REXO4: variants seen among roughly 807,000 people sequenced by gnomAD.
REXO4 encodes the protein REX4 homolog, 3'-5' exonuclease.
REXO4 carries 29 observed loss-of-function variants against 39.9 expected under a neutral mutation model. That is an observed-to-expected ratio of 0.73 (90% CI 0.54 to 0.99). The LOEUF is 0.99. Among genes scored for constraint, REXO4 ranks in the 50% least tolerant of loss-of-function variants. The pLI is 0.00. For synonymous variants in REXO4, 184 were observed against 206.2 expected, an observed-to-expected ratio of 0.89 and a Z score of 0.92; for missense variants, 524 against 546.5, an observed-to-expected ratio of 0.96 and a Z score of 0.41.
At chr9:133,408,920 T>G in intron 5 of REXO4, 78 bp from the exon 6 acceptor site, 2 of 706,200 alleles carry the variant, frequency 2.8e-6, no homozygotes, top group Admixed American at 2.1e-5. Flanking sequence ...CGCCACCTTT[T>G]GCAAGTAACA....
Position 133,417,659 on chromosome 9 carries a change from T to C in REXO4, c.186A>G (p.Ala62=). Residue 62 remains alanine, a synonymous_variant, in exon 1 of 8, where the codon GCA becomes GCG. Transcript: ENST00000371942. ...TCCAGTTTTGAGAAAAGTCTTCTGGTGCCTTTGGAGGTCGCACCACAGCAC... is the reference window on the plus strand; with the variant it reads ...TCCAGTTTTGAGAAAAGTCTTCTGGCGCCTTTGGAGGTCGCACCACAGCAC... ...GPGAVVRPPK[A]PEDFSQNWKA... 1 of 1,614,070 alleles carries C rather than the reference T, an allele frequency of 6.2e-7. No individual in the cohort carries two copies. Among genetic ancestry groups the C allele is most frequent in the Non-Finnish European group, 8.5e-7 (1 of 1,179,946 alleles).
intron 5 of REXO4, 132 bp downstream of exon 5, chr9:133,410,853 A>ATAT: frequency 1.5e-6 from 1 of 687,914 alleles, no homozygotes; most frequent in South Asian, 1.7e-5. Flanking sequence ...GCGGTATCTG[A>ATAT]TATTATTACC....
Position 133,408,932 on chromosome 9 carries a change from CTTTGTGTGTGTGTGTGTG to C in REXO4, c.1000-108_1000-91del, listed in dbSNP as rs1449447823. On this transcript the variant is annotated intron_variant, in intron 5 of 7. Coordinates refer to ENST00000371942, the MANE Select transcript of REXO4 (RefSeq NM_020385.4). ...CCCCGCCACCTTTTGCAAGTAACAT[CTTTGTGTGTGTGTGTGTG>C]TGTGTGTGTGTGTGTGTGTGTGTGT... The C allele has an allele frequency of 3.6e-4, 146 of 406,502 alleles. 2 individuals carry two copies. The highest frequency in any genetic ancestry group is 4.1e-4 in the Non-Finnish European group (93 of 224,998). The allele number at this position is 406,502 out of a possible 1,614,324, so 25.2% of individuals were successfully genotyped here. A position where few individuals can be genotyped will look rare whatever the true frequency, so the allele number is the denominator to read the frequency against.
intron 4 of REXO4, among the ~76,000 whole-genome samples, chr9:133,411,559 C>G (rs774345446): frequency 6.6e-6 from 1 of 152,256 alleles, no homozygotes; most frequent in Admixed American, 6.5e-5. Context: ...ACCAACCCCA[C>G]TTGTACCCCC....
intron 2 of REXO4, among the ~76,000 whole-genome samples, chr9:133,413,796 A>C (rs1839378750): frequency 6.6e-6 from 1 of 152,356 alleles, no homozygotes; most frequent in East Asian, 1.9e-4. Context: ...ACACTTAATC[A>C]ACAGCTGCAG....
At position 133,407,000 on chromosome 9, in the gene REXO4, T is replaced by G; in HGVS notation, c.1222A>C (p.Arg408=). 2 of 1,613,028 alleles carry G rather than the reference T, an allele frequency of 1.2e-6. No individual in the cohort carries two copies. The highest frequency in any genetic ancestry group is 1.7e-6 in the Non-Finnish European group (2 of 1,179,980). The part of the protein sequence containing the change: ...KKEWESMARD[R]RPLLTAPDHC... ...TCTGGAGCAGTCAGCAGGGGGCGCC[T>G]GTCTCGGGCCATGCTCTCCCACTCC... Residue 408 remains arginine, a synonymous_variant, in exon 8 of 8, where the codon AGG becomes CGG. Transcript: ENST00000371942.
chr9:133,409,791 G>A (rs587655952), intron 5 of REXO4, among the ~76,000 whole-genome samples: 5 of 152,184 alleles, frequency 3.3e-5, no homozygotes, highest in Admixed American at 1.3e-4. Context: ...TCTAACTCCC[G>A]GCCTCAAGCA....
chr9:133,407,718 TC>T, intron 7 of REXO4, 88 bp downstream of exon 7: 1 of 973,308 alleles, frequency 1.0e-6, no homozygotes, highest in Non-Finnish European at 1.6e-6. Flanking sequence ...AAGCCCCACC[TC>T]CCCCATGTCT....
Position 133,407,891 on chromosome 9 carries a change from G to T in REXO4, c.1075-10C>A. The T allele has an allele frequency of 6.2e-7, 1 of 1,611,024 alleles. No homozygotes were observed. On this transcript the variant is annotated splice_polypyrimidine_tract_variant and intron_variant, in intron 6 of 7. Transcript: ENST00000371942. ...GAGACGGCCTTCCACTCTGCAAAGG[G>T]GGAAGAGGCGGGTGGGGGCCTCTGC... is the stretch of plus-strand genomic sequence containing the variant.
intron 1 of REXO4, 137 bp downstream of exon 1, chr9:133,417,483 C>G: frequency 1.1e-6 from 1 of 884,866 alleles, no homozygotes; most frequent in Non-Finnish European, 1.8e-6. Flanking sequence ...GGCCACCTTT[C>G]TTGTGAAAAG....
rs201504589 is a variant in REXO4, at chr9:133,417,584, T to G, written c.225+36A>C. ...TCCGTCGCGTTCTGCGGGAATGAGCTGCGCAGCGCTCCGCCCGGGCCCCCT... is the reference window on the plus strand; with the variant it reads ...TCCGTCGCGTTCTGCGGGAATGAGCGGCGCAGCGCTCCGCCCGGGCCCCCT... On this transcript the variant is annotated intron_variant, in intron 1 of 7. Coordinates refer to ENST00000371942, the MANE Select transcript of REXO4 (RefSeq NM_020385.4). 6 of 1,601,900 alleles carry G rather than the reference T, an allele frequency of 3.7e-6. No homozygotes were observed. The Admixed American group carries it at 1.0e-4, about 27-fold the overall frequency.
intron 3 of REXO4, 81 bp downstream of exon 3, chr9:133,412,696 GA>G: frequency 6.4e-7 from 1 of 1,567,232 alleles, no homozygotes; most frequent in Non-Finnish European, 8.7e-7. Context: ...TCAGGGAGAG[GA>G]AAGCATCCTC....
intron 2 of REXO4, 179 bp downstream of exon 2, chr9:133,414,486 C>A: frequency 1.4e-6 from 1 of 718,488 alleles, no homozygotes; most frequent in South Asian, 1.5e-5. Flanking sequence ...GAAGCAGGCC[C>A]TGCCTTATCA....
chr9:133,417,496 G>C, intron 1 of REXO4, 124 bp downstream of exon 1: 1 of 1,006,352 alleles, frequency 9.9e-7, no homozygotes, highest in Non-Finnish European at 1.5e-6. Flanking sequence ...GTGAAAAGCT[G>C]TTTACAAGAT....
intron 3 of REXO4, 100 bp downstream of exon 3, chr9:133,412,678 C>T: frequency 6.6e-7 from 1 of 1,524,774 alleles, no homozygotes. Flanking sequence ...GTGCTTGCCT[C>T]ATTCACCTCA....
chr9:133,412,734 G>T (rs2285488), intron 3 of REXO4, 44 bp downstream of exon 3: 2 of 1,599,646 alleles, frequency 1.3e-6, no homozygotes, highest in Non-Finnish European at 1.7e-6. Context: ...CGCCCTCCAC[G>T]GCTAAGCATC....
chr9:133,412,268 C>A, intron 4 of REXO4, 31 bp downstream of exon 4: 1 of 1,605,628 alleles, frequency 6.2e-7, no homozygotes, highest in South Asian at 1.1e-5. Context: ...ACTACTTTCC[C>A]TTCTAAGTTC....
At chr9:133,412,251 T>A (rs782278806) in intron 4 of REXO4, 48 bp downstream of exon 4, 2 of 1,578,016 alleles carry the variant, frequency 1.3e-6, no homozygotes, top group Non-Finnish European at 1.7e-6. Context: ...AGAAAACGAA[T>A]CCAGTTACTA....
chr9:133,407,447 G>A (rs1422856132), intron 7 of REXO4, among the ~76,000 whole-genome samples: 9 of 152,278 alleles, frequency 5.9e-5, no homozygotes, highest in South Asian at 4.1e-4. Context: ...CTGAGGCCAC[G>A]TTGGCAGGGG....
Sources: allele counts gnomAD v4.1 joint callset (sites outside exome capture counted in the v4.1 genomes callset), GRCh38; gene constraint gnomAD v4.1.1; transcripts MANE v1.5; gene names NCBI Gene and HGNC (gene_info 2026-07-23, HGNC 2026-07-21).